Variants in SNX18 observed in about 807,000 individuals in gnomAD.
SNX18 encodes sorting nexin 18.
SNX18 carries 35 observed loss-of-function variants against 48.7 expected under a neutral mutation model. The ratio of observed to expected loss-of-function variants is 0.72; its 90% CI spans 0.55 to 0.95. SNX18 has a LOEUF of 0.95. Among genes scored for constraint, SNX18 ranks in the 40% least tolerant of loss-of-function variants. SNX18 has a pLI of 0.00. For synonymous variants in SNX18, 492 were observed against 384.7 expected (o/e 1.28, Z -3.26); for missense variants, 824 against 871.0 (o/e 0.95, Z 0.68).
intron 1 of SNX18, among the ~76,000 whole-genome samples, chr5:54,531,388 A>G (rs1283424067): frequency 6.6e-6 from 1 of 152,046 alleles, no homozygotes; most frequent in East Asian, 1.9e-4. Context: ...AAAGACAAGG[A>G]ATGGGGCTGA....
At chr5:54,646,526 T>C in the SNX18 span, among the ~76,000 whole-genome samples, 1 of 152,220 alleles carries the variant, frequency 6.6e-6, no homozygotes. Flanking sequence ...TATATTCTAC[T>C]CTCTTCTGAA....
At chr5:54,571,585 A>G in the SNX18 span, among the ~76,000 whole-genome samples, 1 of 152,076 alleles carries the variant, frequency 6.6e-6, no homozygotes, top group African/African-American at 2.4e-5. Context: ...GATTGGAATG[A>G]CTTGAGATCT....
chr5:54,641,866 T>C, the SNX18 span, among the ~76,000 whole-genome samples: 3 of 152,178 alleles, frequency 2.0e-5, no homozygotes, highest in Non-Finnish European at 2.9e-5. Flanking sequence ...AGAGCAGCCA[T>C]GCCCCAGTTC....
chr5:54,540,192 TA>T (rs1762437424), intron 1 of SNX18, among the ~76,000 whole-genome samples: 1 of 147,768 alleles, frequency 6.8e-6, no homozygotes, highest in Non-Finnish European at 1.5e-5. Flanking sequence ...TAATAAGTTG[TA>T]AAAACTTTAG....
chr5:54,573,151 A>AT, the SNX18 span, among the ~76,000 whole-genome samples: 1 of 152,136 alleles, frequency 6.6e-6, no homozygotes, highest in Admixed American at 6.5e-5. Context: ...CTTGCAAAAT[A>AT]TAGTAATTAA....
At chr5:54,616,913 G>A in the SNX18 span, among the ~76,000 whole-genome samples, 7 of 152,170 alleles carry the variant, frequency 4.6e-5, no homozygotes, top group African/African-American at 1.7e-4. Context: ...CCTGTGCTGG[G>A]ACAAGCCAAT....
chr5:54,552,657 T>C, the SNX18 span, among the ~76,000 whole-genome samples: 1 of 151,692 alleles, frequency 6.6e-6, no homozygotes, highest in African/African-American at 2.4e-5. Context: ...CTGGGACCGA[T>C]AGAGTCCTTC....
intron 1 of SNX18, chr5:54,520,936 T>C (rs1166624969): frequency 1.8e-5 from 3 of 167,138 alleles, no homozygotes; most frequent in African/African-American, 7.2e-5. Context: ...GTAAATGCAG[T>C]CTAATATTGA....
rs1173759546 is a variant in SNX18, at chr5:54,519,204, G to A, written c.1252G>A (p.Ala418Thr). 1 of 1,614,052 alleles carries A rather than the reference G, an allele frequency of 6.2e-7. No homozygotes were observed. Among genetic ancestry groups the A allele is most frequent in the Admixed American group, 1.7e-5 (1 of 60,012 alleles). ...FLTLSTPPAA[A>T]LDLQEVESKI... ...GACCCTTAGCACGCCCCCCGCCGCT[G>A]CCCTTGACCTGCAGGAGGTGGAGAG... Residue 418 changes from alanine (A) to threonine (T), a missense_variant, in exon 1 of 2, where the codon GCC (alanine) becomes ACC (threonine). Physicochemically the swap from Ala to Thr is moderately conservative, Grantham distance 58. Transcript: ENST00000381410.
the SNX18 span, among the ~76,000 whole-genome samples, chr5:54,608,141 G>A: frequency 6.6e-5 from 10 of 152,156 alleles, no homozygotes; most frequent in Non-Finnish European, 1.2e-4. Flanking sequence ...TATCAGCAAT[G>A]TTTGAGGGAT....
At chr5:54,585,453 G>A in the SNX18 span, among the ~76,000 whole-genome samples, 1 of 149,724 alleles carries the variant, frequency 6.7e-6, no homozygotes, top group Non-Finnish European at 1.5e-5. Flanking sequence ...GGTGGGTGGG[G>A]TGGGTTGAGA....
the SNX18 span, among the ~76,000 whole-genome samples, chr5:54,590,077 C>T: frequency 3.9e-5 from 6 of 152,234 alleles, no homozygotes; most frequent in Non-Finnish European, 7.3e-5. Context: ...AGGCGTGAGC[C>T]ACTGCACCCA....
At chr5:54,576,499 G>A in the SNX18 span, among the ~76,000 whole-genome samples, 2 of 152,132 alleles carry the variant, frequency 1.3e-5, no homozygotes, top group Non-Finnish European at 2.9e-5. Context: ...TGGGTTGATC[G>A]CAGGGCATCT....
Position 54,518,231 on chromosome 5 carries a change from C to T in SNX18, c.279C>T (p.Pro93=). 7.0e-7 allele frequency: 1 copy of T among 1,431,762 alleles called. No homozygotes were observed. Among genetic ancestry groups the T allele is most frequent in the Non-Finnish European group, 9.1e-7 (1 of 1,100,976 alleles). 88.7% of individuals were successfully genotyped at this position (1,431,762 alleles called of 1,614,324 possible). Residue 93 remains proline, a synonymous_variant, in exon 1 of 2, where the codon CCC becomes CCT. Transcript: ENST00000381410. ...GCTTCGAGCCCCTGCCTGTCGCGCC[C>T]CCCGCCTCCTTCAAGCCGCCGCCTG... ...PGGFEPLPVA[P]PASFKPPPDA...
the SNX18 span, among the ~76,000 whole-genome samples, chr5:54,647,513 T>C: frequency 6.6e-6 from 1 of 152,170 alleles, no homozygotes; most frequent in South Asian, 2.1e-4. Context: ...AGATATTACA[T>C]AGCCTGGCAT....
Position 54,518,578 on chromosome 5 carries a change from C to T in SNX18, c.626C>T (p.Ser209Leu). ...SDLSLGSRGGSVPPQHHPSGP... is the reference protein window; with the variant it reads ...SDLSLGSRGGLVPPQHHPSGP... ...CTGTCCCTGGGTTCCCGCGGCGGCT[C>T]GGTCCCCCCGCAGCACCACCCGTCG... The change falls in exon 1 of 2, where the codon TCG becomes TTG. Residue 209 changes from serine (S) to leucine (L), a missense_variant. Physicochemically the swap from Ser to Leu is moderately radical, Grantham distance 145 (BLOSUM62 -2). This residue lies in a region of SNX18 where 377 missense variants were observed against 350.6 expected (regional missense o/e 1.08). Transcript: ENST00000381410. 3 of 1,580,334 alleles carry T rather than the reference C, an allele frequency of 1.9e-6. No individual in the cohort carries two copies. Among genetic ancestry groups the T allele is most frequent in the Non-Finnish European group, 2.6e-6 (3 of 1,164,024 alleles).
intron 1 of SNX18, among the ~76,000 whole-genome samples, chr5:54,525,531 A>G (rs1400979702): frequency 6.6e-6 from 1 of 152,218 alleles, no homozygotes; most frequent in Non-Finnish European, 1.5e-5. Flanking sequence ...TGCTTTAATC[A>G]GTTCGCCCTG....
chr5:54,581,608 C>G, the SNX18 span, among the ~76,000 whole-genome samples: 1 of 152,082 alleles, frequency 6.6e-6, no homozygotes, highest in Non-Finnish European at 1.5e-5. Flanking sequence ...TTCCCTTGTT[C>G]TGGGCACTGC....
the SNX18 span, among the ~76,000 whole-genome samples, chr5:54,578,713 G>A: frequency 0.019 from 2,913 of 152,244 alleles, 37 homozygotes; most frequent in Non-Finnish European, 0.03. Context: ...TTGTCTGCAT[G>A]AGGCCAGCTG....
Sources: gnomAD v4.1 joint callset for allele counts (sites outside exome capture counted in the v4.1 genomes callset) on GRCh38, gnomAD v4.1.1 for gene constraint, gnomAD v4.1.1 regional missense constraint, MANE v1.5 for transcripts, NCBI Gene and HGNC (gene_info 2026-07-23, HGNC 2026-07-21) for gene names.